UTP20: variants seen among roughly 807,000 people sequenced by gnomAD.
UTP20 encodes UTP20 small subunit processome component.
A neutral mutation model predicts 329.5 loss-of-function variants in UTP20; 164 were observed. That is an observed-to-expected ratio of 0.50 (90% CI 0.44 to 0.57). The LOEUF is 0.57. Ranked by LOEUF, UTP20 falls within the 20% of genes least tolerant of loss-of-function variation. The probability of loss-of-function intolerance (pLI) is 0.00; values close to 1 mark genes in which losing one functional copy is unlikely to be tolerated. For missense variants in UTP20, 3,055 were observed against 3,284.2 expected (o/e 0.93, Z 1.71); for synonymous variants, 1,151 against 1,159.3 (o/e 0.99, Z 0.14).
In UTP20 at chr12:101,383,225, G is replaced by A; in HGVS notation, c.7841G>A (p.Gly2614Asp). The A allele has an allele frequency of 6.2e-7, 1 of 1,614,194 alleles. No homozygotes were observed. Among genetic ancestry groups the A allele is most frequent in the Non-Finnish European group, 8.5e-7 (1 of 1,180,048 alleles). The change falls in exon 59 of 62, where the codon GGC (glycine) becomes GAC (aspartate). Residue 2614 changes from glycine to aspartate, a missense_variant. Gly to Asp is a moderately conservative substitution (Grantham distance 94). Coordinates refer to ENST00000261637, the MANE Select transcript of UTP20 (RefSeq NM_014503.3). ...EEKEEVKEEL[G>D]RPATLLWLIQ... ...AAGGAAGAGGTGAAGGAAGAGCTCG[G>A]CAGGCCGGCCACGCTGCTGTGGTTG...
chr12:101,347,066 A>G (rs1869348960), intron 38 of UTP20, among the ~76,000 whole-genome samples: 1 of 152,200 alleles, frequency 6.6e-6, no homozygotes, highest in Non-Finnish European at 1.5e-5. Context: ...CTACTATTTT[A>G]CAGGAGAGTA....
chr12:101,349,792 C>T (rs12314798), intron 38 of UTP20, among the ~76,000 whole-genome samples: 3,174 of 152,188 alleles, frequency 0.021, 117 homozygotes, highest in African/African-American at 0.073. Context: ...GGGTCCCCTT[C>T]TTGCCTTTGG....
rs142367906 is a variant in UTP20, at chr12:101,308,225, T to C, written c.2036T>C (p.Leu679Ser). The C allele has an allele frequency of 3.4e-4, 545 of 1,612,778 alleles. 1 individual carries two copies. Among genetic ancestry groups the C allele is most frequent in the Non-Finnish European group, 4.3e-4 (510 of 1,179,398 alleles). The change falls in exon 18 of 62, where the codon TTA becomes TCA. Residue 679 changes from leucine (L) to serine (S), a missense_variant. Leu to Ser is a moderately radical substitution (Grantham distance 145, BLOSUM62 -2). Around this residue, in one of 3 missense-constraint regions of UTP20, gnomAD observed 2,445 missense variants for 2,575.5 expected, o/e 0.95. Coordinates refer to ENST00000261637, the MANE Select transcript of UTP20 (RefSeq NM_014503.3). ...GAGCGGCAGTCTGTCTTTGCTATAT[T>C]ACGCCAGGCAGAACTTGTTCCAGCA... ...LSERQSVFAI[L>S]RQAELVPATV...
rs546653125 is a variant in UTP20 at position 101,378,101 on chromosome 12, T to C, written c.7397-1270T>C. On this transcript the variant is annotated intron_variant, in intron 56 of 61. Transcript: ENST00000261637. ...GTGTGGTGTATGGAGAATGGCCACG[T>C]AGCCAAATGCTGAAGAATTAAGAGT... Among the ~76,000 whole-genome samples the C allele has an allele frequency of 2.3e-4, 35 of 152,274 alleles. No homozygotes were observed. In the South Asian group the frequency reaches 6.6e-3, roughly 29 times the overall value.
At chr12:101,374,234 C>CAA (rs1387373070) in intron 54 of UTP20, among the ~76,000 whole-genome samples, 2 of 115,620 alleles carry the variant, frequency 1.7e-5, no homozygotes, top group African/African-American at 3.2e-5. Context: ...GACTCCGTCT[C>CAA]AAAAAAAAAA....
At chr12:101,284,794 C>G (rs575153494) in intron 2 of UTP20, among the ~76,000 whole-genome samples, 6 of 152,290 alleles carry the variant, frequency 3.9e-5, no homozygotes, top group Admixed American at 3.9e-4. Flanking sequence ...AGGAAGCCAA[C>G]ACTGACAGTT....
At chr12:101,361,828 CAT>C in intron 43 of UTP20, 132 bp from the exon 44 acceptor site, 1 of 682,260 alleles carries the variant, frequency 1.5e-6, no homozygotes, top group Non-Finnish European at 2.6e-6. Flanking sequence ...AACTATGTGT[CAT>C]TTGTCGAAGC....
intron 32 of UTP20, among the ~76,000 whole-genome samples, chr12:101,341,404 C>T (rs1404764083): frequency 6.6e-6 from 1 of 152,160 alleles, no homozygotes; most frequent in African/African-American, 2.4e-5. Flanking sequence ...ATTAGGAGTC[C>T]TCCAGTGGCT....
intron 23 of UTP20, among the ~76,000 whole-genome samples, chr12:101,320,502 G>C (rs1000833319): frequency 3.3e-5 from 5 of 152,028 alleles, no homozygotes; most frequent in African/African-American, 1.2e-4. Context: ...GTTGCAGTGA[G>C]TCGAGATCGT....
chr12:101,326,525 AT>A (rs1375650940), intron 25 of UTP20, among the ~76,000 whole-genome samples: 2 of 93,776 alleles, frequency 2.1e-5, no homozygotes, highest in Non-Finnish European at 3.6e-5. Context: ...ATTTATTTAT[AT>A]TTATGTGTTT....
chr12:101,351,506 G>A (rs895206040), intron 38 of UTP20, among the ~76,000 whole-genome samples: 9 of 150,398 alleles, frequency 6.0e-5, no homozygotes, highest in Middle Eastern at 3.5e-3. Context: ...GCCTGAAAGA[G>A]GTGTCTCTGA....
intron 43 of UTP20, among the ~76,000 whole-genome samples, chr12:101,361,672 T>TAAATAAATAAATAA (rs200818993): frequency 3.2e-5 from 3 of 94,132 alleles, no homozygotes; most frequent in Non-Finnish European, 6.9e-5. Flanking sequence ...AATAAATAAA[T>TAAATAAATAAATAA]AAATAAAGTT....
intron 35 of UTP20, among the ~76,000 whole-genome samples, chr12:101,344,009 ATTG>A (rs1017466108): frequency 5.3e-5 from 8 of 152,218 alleles, no homozygotes; most frequent in African/African-American, 1.9e-4. Flanking sequence ...ACCTTTGATT[ATTG>A]TTAATCATGT....
chr12:101,342,351 T>C, intron 32 of UTP20, 95 bp from the exon 33 acceptor site: 2 of 1,011,802 alleles, frequency 2.0e-6, no homozygotes, highest in Admixed American at 3.0e-5. Context: ...TTACATCTTA[T>C]TCACAATTGT....
chr12:101,280,505 G>T (rs1293563592), intron 1 of UTP20, among the ~76,000 whole-genome samples, 178 bp downstream of exon 1: 2 of 152,222 alleles, frequency 1.3e-5, no homozygotes, highest in African/African-American at 2.4e-5. Flanking sequence ...GAGGAAAGAA[G>T]TGTGGACAGC....
intron 21 of UTP20, among the ~76,000 whole-genome samples, chr12:101,315,415 C>T (rs1272426935): frequency 6.6e-6 from 1 of 151,418 alleles, no homozygotes; most frequent in Non-Finnish European, 1.5e-5. Context: ...ACCCAGGAGG[C>T]AGAGGTTGCA....
At position 101,327,258 on chromosome 12, in the gene UTP20, G is replaced by T; in HGVS notation, c.3208+11G>T. 6.3e-7 allele frequency: 1 copy of T among 1,582,638 alleles called. No individual in the cohort carries two copies. The highest frequency in any genetic ancestry group is 8.6e-7 in the Non-Finnish European group (1 of 1,156,244). On this transcript the variant is annotated intron_variant, in intron 26 of 61. Coordinates refer to ENST00000261637, the MANE Select transcript of UTP20 (RefSeq NM_014503.3). Reference sequence around the variant, plus strand: ...GGCATTTCAAGAATGGTAACTATCAGCTACCTCTCACTCTAATACCTGTTG... The same window carrying T: ...GGCATTTCAAGAATGGTAACTATCATCTACCTCTCACTCTAATACCTGTTG...
chr12:101,321,442 CTT>C, intron 24 of UTP20, 60 bp from the exon 25 acceptor site: 1 of 1,596,858 alleles, frequency 6.3e-7, no homozygotes, highest in African/African-American at 1.3e-5. Flanking sequence ...ATATTTCACT[CTT>C]TCATTATTCA....
rs1461879567 is a variant in UTP20 at position 101,280,298 on chromosome 12, G to A, written c.16G>A (p.Val6Ile). The change falls in exon 1 of 62, where the codon GTT (valine) becomes ATT (isoleucine). Residue 6 changes from valine to isoleucine, a missense_variant. This residue lies in a region of UTP20 where 2,445 missense variants were observed against 2,575.5 expected (regional missense o/e 0.95). Coordinates refer to ENST00000261637, the MANE Select transcript of UTP20 (RefSeq NM_014503.3). ...CTCTGCAGCCATGAAGACAAAGCCC[G>A]TTTCCCACAAGACCGAGAACACCTA... MKTKP[V>I]SHKTENTYRF... 1.9e-6 allele frequency: 3 copies of A among 1,550,382 alleles called. No homozygotes were observed. The highest frequency in any genetic ancestry group is 1.4e-5 in the African/African-American group (1 of 72,984).
Sources: gnomAD v4.1 joint callset for allele counts (sites outside exome capture counted in the v4.1 genomes callset) on GRCh38, gnomAD v4.1.1 for gene constraint, gnomAD v4.1.1 regional missense constraint, MANE v1.5 for transcripts, NCBI Gene and HGNC (gene_info 2026-07-23, HGNC 2026-07-21) for gene names.